The following RNF41 variants were observed in gnomAD, a reference collection of about 807,000 sequenced individuals.
The protein encoded by RNF41 is ring finger protein 41.
In RNF41, 4 loss-of-function variants were observed where a neutral mutation model predicts 33.0. The observed-to-expected ratio is 0.12, with a 90% CI of 0.06 to 0.28. The LOEUF (loss-of-function observed/expected upper bound fraction) is 0.28, where lower values mean the gene tolerates loss of function less well. Among genes scored for constraint, RNF41 ranks in the 10% least tolerant of loss-of-function variants. The pLI is 1.00. For missense variants in RNF41, 228 were observed against 432.6 expected, an observed-to-expected ratio of 0.53 and a Z score of 4.19; for synonymous variants, 164 against 153.2, an observed-to-expected ratio of 1.07 and a Z score of -0.52.
Position 56,202,401 on chromosome 12 carries a change from A to G in RNF41, c.*4046T>C, listed in dbSNP as rs563738855. On this transcript the variant is annotated 3_prime_UTR_variant, in exon 7 of 7. Transcript: ENST00000345093. ...CCAGTTCTCCTGACCTTAAAAGTTTAGAACAGGTTGGCAAATTTTTTTCTG... is the reference window on the plus strand; with the variant it reads ...CCAGTTCTCCTGACCTTAAAAGTTTGGAACAGGTTGGCAAATTTTTTTCTG... 1 of 152,278 alleles carries G rather than the reference A, an allele frequency of 6.6e-6. No homozygotes were observed. The highest frequency in any genetic ancestry group is 1.9e-4 in the East Asian group (1 of 5,190). 9.4% of individuals were successfully genotyped at this position (152,278 alleles called of 1,614,324 possible).
chr12:56,217,934 T>G (rs1395748132), intron 1 of RNF41, among the ~76,000 whole-genome samples: 2 of 151,974 alleles, frequency 1.3e-5, no homozygotes, highest in African/African-American at 4.8e-5. Context: ...GCTTTAATGT[T>G]TCCAAAGTGC....
chr12:56,206,198 G>C lies in RNF41; in HGVS notation c.*249C>G. 2.2e-6 allele frequency: 1 copy of C among 444,548 alleles called. No homozygotes were observed. Among genetic ancestry groups the C allele is most frequent in the Admixed American group, 4.0e-5 (1 of 25,000 alleles). 27.5% of individuals were successfully genotyped at this position (444,548 alleles called of 1,614,324 possible). On this transcript the variant is annotated 3_prime_UTR_variant, in exon 7 of 7. Transcript: ENST00000345093. This position sits in a 1 kb window ranked among gnomAD's most constrained non-coding sequence, Gnocchi z 5.7. ...TAAGCAGGAAAATGGATGGAGGTGGGGGCTTTCCCACCCAGACTGATAATT... is the reference window on the plus strand; with the variant it reads ...TAAGCAGGAAAATGGATGGAGGTGGCGGCTTTCCCACCCAGACTGATAATT...
intron 1 of RNF41, among the ~76,000 whole-genome samples, chr12:56,217,809 C>A (rs1342848054): frequency 6.6e-6 from 1 of 152,112 alleles, no homozygotes; most frequent in Non-Finnish European, 1.5e-5. Context: ...AGGTTGCCCA[C>A]TCCCTATGAG....
intron 3 of RNF41, chr12:56,213,246 G>T: frequency 1.4e-6 from 1 of 716,224 alleles, no homozygotes; most frequent in South Asian, 1.9e-5. Context: ...TGTCACCCAG[G>T]CTGGAGTGCA....
chr12:56,206,300 A>G lies in RNF41; in HGVS notation c.*147T>C, dbSNP rs1294054128. The G allele has an allele frequency of 4.1e-6, 3 of 727,744 alleles. No individual in the cohort carries two copies. The highest frequency in any genetic ancestry group is 6.9e-6 in the Non-Finnish European group (3 of 432,952). 45.1% of individuals were successfully genotyped at this position (727,744 alleles called of 1,614,324 possible). On this transcript the variant is annotated 3_prime_UTR_variant, in exon 7 of 7. Transcript: ENST00000345093. This position sits in a 1 kb window ranked among gnomAD's most constrained non-coding sequence, Gnocchi z 5.7. ...CTGAAAGGCTGAGCAAACTACCCCA[A>G]GGCCCTTCAGTGCCAGAAGGGCAGG...
chr12:56,208,298 G>T lies in RNF41; in HGVS notation c.363C>A (p.Gly121=), dbSNP rs765436339. ...KRPVTCEQGC[G]LEMPKDELPN... The stretch of plus-strand genomic sequence containing the variant: ...GCAGCTCATCTTTGGGCATCTCCAG[G>T]CTGCAGACCAGGGTGGGGAAAGAGC... The change falls in exon 5 of 7, where the codon GGC becomes GGA. Residue 121 remains glycine (G), a splice_region_variant and synonymous_variant. Transcript: ENST00000345093. 3.1e-6 allele frequency: 5 copies of T among 1,613,958 alleles called. No homozygotes were observed. In the East Asian group the frequency reaches 1.1e-4, roughly 36 times the overall value.
At chr12:56,208,503 A>G (rs1868320804) in intron 4 of RNF41, 1 of 456,934 alleles carries the variant, frequency 2.2e-6, no homozygotes, top group South Asian at 5.2e-5. Context: ...ATTTTCCTTA[A>G]ATTTCTTTCC....
intron 3 of RNF41, among the ~76,000 whole-genome samples, chr12:56,211,792 GA>G (rs1868500017): frequency 1.3e-5 from 2 of 151,142 alleles, no homozygotes; most frequent in African/African-American, 4.9e-5. Context: ...CTAACATAGC[GA>G]AACCCTGTCT....
intron 4 of RNF41, among the ~76,000 whole-genome samples, chr12:56,209,739 G>A (rs929662075): frequency 2.0e-5 from 3 of 152,218 alleles, no homozygotes; most frequent in Non-Finnish European, 4.4e-5. Context: ...TTACAGGCGT[G>A]AGCCACCGCG....
Position 56,204,470 on chromosome 12 carries a change from C to A in RNF41, c.*1977G>T, listed in dbSNP as rs1225393063. ...GAGAAAGGCAAAAGCAGAGGGGAAA[C>A]CTTCTCAAGAAAGGGAGTAATGCTG... is the stretch of plus-strand genomic sequence containing the variant. On this transcript the variant is annotated 3_prime_UTR_variant, in exon 7 of 7. Coordinates refer to ENST00000345093, the MANE Select transcript of RNF41 (RefSeq NM_005785.4). 6.6e-6 allele frequency: 1 copy of A among 152,184 alleles called. No individual in the cohort carries two copies. The highest frequency in any genetic ancestry group is 1.5e-5 in the Non-Finnish European group (1 of 68,054). 9.4% of individuals were successfully genotyped at this position (152,184 alleles called of 1,614,324 possible). A position where few individuals can be genotyped will look rare whatever the true frequency, so the allele number is the denominator to read the frequency against.
At chr12:56,219,981 C>T (rs1397765812) in intron 1 of RNF41, among the ~76,000 whole-genome samples, 1 of 151,392 alleles carries the variant, frequency 6.6e-6, no homozygotes, top group Non-Finnish European at 1.5e-5. Flanking sequence ...CGCAGCACCG[C>T]ACTCCGGCCT....
chr12:56,210,620 G>C (rs534340495), intron 3 of RNF41, 52 bp from the exon 4 acceptor site: 1 of 1,485,978 alleles, frequency 6.7e-7, no homozygotes, highest in South Asian at 1.2e-5. Flanking sequence ...CAGGACCTAA[G>C]AGCCTGGATA....
chr12:56,210,206 G>A, intron 4 of RNF41, 91 bp downstream of exon 4: 9 of 1,416,838 alleles, frequency 6.4e-6, no homozygotes, highest in Non-Finnish European at 8.8e-6. Flanking sequence ...ATGCCAAAGA[G>A]ACCTCCTCAG....
intron 4 of RNF41, chr12:56,209,921 G>A (rs78422447): frequency 1.9e-3 from 472 of 248,352 alleles, no homozygotes; most frequent in Admixed American, 3.4e-3. Flanking sequence ...ACATTTAGTC[G>A]AATATTTCAT....
rs1189744509 is a variant in RNF41 at position 56,202,669 on chromosome 12, A to G, written c.*3778T>C. The stretch of plus-strand genomic sequence containing the variant: ...AGGAGCTTTATCGTCCTTGGCTCAC[A>G]TATTACTAGTAAATCCACTTAGCAC... On this transcript the variant is annotated 3_prime_UTR_variant, in exon 7 of 7. Coordinates refer to ENST00000345093, the MANE Select transcript of RNF41 (RefSeq NM_005785.4). 1.3e-5 allele frequency: 2 copies of G among 152,186 alleles called. No homozygotes were observed. The highest frequency in any genetic ancestry group is 2.4e-5 in the African/African-American group (1 of 41,434). 9.4% of individuals were successfully genotyped at this position (152,186 alleles called of 1,614,324 possible). A position where few individuals can be genotyped will look rare whatever the true frequency, so the allele number is the denominator to read the frequency against.
Position 56,206,830 on chromosome 12 carries a change from A to C in RNF41, c.603-32T>G, listed in dbSNP as rs1565940167. 2 of 1,504,106 alleles carry C rather than the reference A, an allele frequency of 1.3e-6. No individual in the cohort carries two copies. Among genetic ancestry groups the C allele is most frequent in the Non-Finnish European group, 1.8e-6 (2 of 1,094,680 alleles). 93.2% of individuals were successfully genotyped at this position (1,504,106 alleles called of 1,614,324 possible). ...GGAGGTGGTTAAAGATGGTCATTCC[A>C]GCTCATCTCCTTTCTCTGTATTGGC... On this transcript the variant is annotated intron_variant, in intron 6 of 6. Transcript: ENST00000345093. This position sits in a 1 kb window ranked among gnomAD's most constrained non-coding sequence, Gnocchi z 5.7.
intron 3 of RNF41, among the ~76,000 whole-genome samples, 154 bp from the exon 4 acceptor site, chr12:56,210,722 C>T (rs1008309079): frequency 6.6e-6 from 1 of 152,210 alleles, no homozygotes; most frequent in East Asian, 1.9e-4. Flanking sequence ...CTACTACGGG[C>T]AAGGCATTGT....
intron 3 of RNF41, chr12:56,213,195 A>T: frequency 5.4e-6 from 6 of 1,119,046 alleles, no homozygotes; most frequent in South Asian, 1.5e-5. Flanking sequence ...CCCACTTCCT[A>T]TTTGTTTTTG....
At position 56,210,394 on chromosome 12, in the gene RNF41, C is replaced by T. The variant is rs765977478; in HGVS notation, c.265G>A (p.Gly89Ser). The change falls in exon 4 of 7, where the codon GGC becomes AGC. Residue 89 changes from glycine to serine, a missense_variant. Gly to Ser is a moderately conservative substitution (Grantham distance 56). Around this residue, in one of 2 missense-constraint regions of RNF41, gnomAD observed 199 missense variants for 334.6 expected, o/e 0.59. Transcript: ENST00000345093. ...LQIACDNAVFGCSAVVRLDNL... is the reference protein window; with the variant it reads ...LQIACDNAVFSCSAVVRLDNL... ...TCAAGCCGGACAACGGCACTACAGC[C>T]GAACACAGCGTTGTCACAGGCAATC... The T allele has an allele frequency of 6.2e-7, 1 of 1,614,170 alleles. No individual in the cohort carries two copies. The highest frequency in any genetic ancestry group is 8.5e-7 in the Non-Finnish European group (1 of 1,180,032).
Sources: gnomAD v4.1 joint callset for allele counts (sites outside exome capture counted in the v4.1 genomes callset) on GRCh38, gnomAD v4.1.1 for gene constraint, gnomAD v4.1.1 regional missense constraint, Gnocchi (gnomAD v3.1) non-coding constraint, MANE v1.5 for transcripts, NCBI Gene and HGNC (gene_info 2026-07-23, HGNC 2026-07-21) for gene names.